The following THSD4 variants were observed in gnomAD, a reference collection of about 807,000 sequenced individuals.
THSD4 encodes thrombospondin type-1 domain-containing protein 4.
THSD4 carries 69 observed loss-of-function variants against 119.0 expected under a neutral mutation model. The observed-to-expected ratio is 0.58, with a 90% confidence interval of 0.48 to 0.71. The LOEUF (loss-of-function observed/expected upper bound fraction) is 0.71, where lower values mean the gene tolerates loss of function less well. Among genes scored for constraint, THSD4 ranks in the 30% least tolerant of loss-of-function variants. The pLI, the probability that THSD4 is intolerant of heterozygous loss-of-function variation, is 0.00. For synonymous variants in THSD4, 524 were observed against 540.4 expected (o/e 0.97, Z 0.42); for missense variants, 1,393 against 1,391.1 (o/e 1.00, Z -0.02).
chr15:71,274,839 C>T (rs2044572346), intron 6 of THSD4, among the ~76,000 whole-genome samples: 1 of 152,116 alleles, frequency 6.6e-6, no homozygotes, highest in African/African-American at 2.4e-5. Context: ...CACTTGAACC[C>T]ATGTCATTCT....
chr15:71,183,576 G>A (rs902890208), intron 3 of THSD4, among the ~76,000 whole-genome samples: 1 of 151,690 alleles, frequency 6.6e-6, no homozygotes, highest in African/African-American at 2.4e-5. Context: ...CTGACTCATA[G>A]TAAATACTAT....
At chr15:71,534,765 G>C (rs1391646839) in intron 7 of THSD4, among the ~76,000 whole-genome samples, 7 of 152,154 alleles carry the variant, frequency 4.6e-5, no homozygotes, top group Non-Finnish European at 1.0e-4. Flanking sequence ...GATCACCTGA[G>C]TTCAGGAGTT....
chr15:71,113,152 G>A (rs993263023), upstream of THSD4, among the ~76,000 whole-genome samples: 1 of 152,226 alleles, frequency 6.6e-6, no homozygotes, highest in Non-Finnish European at 1.5e-5. Context: ...TCATGCCACT[G>A]CACCCCAGCC....
intron 7 of THSD4, among the ~76,000 whole-genome samples, chr15:71,579,734 C>CA (rs1367899479): frequency 6.6e-6 from 1 of 152,144 alleles, no homozygotes; most frequent in Non-Finnish European, 1.5e-5. Flanking sequence ...ATATTGGAGA[C>CA]ACCATGGTTT....
chr15:71,297,399 A>C (rs1397275093), intron 6 of THSD4, among the ~76,000 whole-genome samples: 2 of 150,994 alleles, frequency 1.3e-5, no homozygotes, highest in Non-Finnish European at 2.9e-5. Flanking sequence ...GCAGTGGCGC[A>C]ATCTCAGCTC....
chr15:71,407,138 T>A (rs1020858240), intron 6 of THSD4, among the ~76,000 whole-genome samples: 9 of 152,224 alleles, frequency 5.9e-5, no homozygotes, highest in Admixed American at 3.3e-4. Context: ...TCTAGCTGCC[T>A]TTTGCTTTTA....
At chr15:71,486,282 T>G (rs1402480903) in intron 7 of THSD4, among the ~76,000 whole-genome samples, 2 of 152,116 alleles carry the variant, frequency 1.3e-5, no homozygotes, top group Non-Finnish European at 2.9e-5. Context: ...CAGCTGTAGT[T>G]TCTCCCCCTT....
At chr15:71,304,754 G>A (rs2045000648) in intron 6 of THSD4, among the ~76,000 whole-genome samples, 1 of 152,090 alleles carries the variant, frequency 6.6e-6, no homozygotes, top group South Asian at 2.1e-4. Context: ...CCAACAAAAA[G>A]TAACCAAAAT....
intron 4 of THSD4, among the ~76,000 whole-genome samples, chr15:71,237,753 T>C (rs1186543785): frequency 6.6e-6 from 1 of 152,136 alleles, no homozygotes; most frequent in Non-Finnish European, 1.5e-5. Flanking sequence ...CAGGTGATGA[T>C]TGCAGATGAC....
At position 71,771,133 on chromosome 15, in the gene THSD4, A is replaced by G; in HGVS notation, c.2839A>G (p.Ser947Gly). Residue 947 changes from serine (S) to glycine (G), a missense_variant, in exon 17 of 18, where the codon AGT (serine) becomes GGT (glycine). By Grantham distance (56) the Ser-to-Gly change is moderately conservative. Transcript: ENST00000261862. ...GTGTCTGTCTGATGACATGACTCTAAGTAACCTCTGTGACCCTCAGTTGAA... is the reference window on the plus strand; with the variant it reads ...GTGTCTGTCTGATGACATGACTCTAGGTAACCTCTGTGACCCTCAGTTGAA... ...VRCLSDDMTL[S>G]NLCDPQLKPE... is the part of the protein sequence containing the mutation. 1 of 1,614,206 alleles carries G rather than the reference A, an allele frequency of 6.2e-7. No homozygotes were observed. The highest frequency in any genetic ancestry group is 1.3e-5 in the African/African-American group (1 of 75,042).
intron 1 of THSD4, among the ~76,000 whole-genome samples, chr15:71,104,520 T>C (rs1179178921): frequency 6.6e-6 from 1 of 152,184 alleles, no homozygotes; most frequent in African/African-American, 2.4e-5. Context: ...AACCAAACTC[T>C]GAAAATATTT....
At chr15:71,517,190 A>G (rs1428425508) in intron 7 of THSD4, among the ~76,000 whole-genome samples, 1 of 152,216 alleles carries the variant, frequency 6.6e-6, no homozygotes, top group Admixed American at 6.5e-5. Context: ...CCACTGTCCA[A>G]GTAAGCAGCA....
chr15:71,365,131 T>TTTTGTGTGTGTGTGTGTGTGTGTGTGTG (rs147188266), intron 6 of THSD4, among the ~76,000 whole-genome samples: 3 of 135,824 alleles, frequency 2.2e-5, no homozygotes, highest in Non-Finnish European at 3.2e-5. Context: ...GCCCCCCCCA[T>TTTTGTGTGTGTGTGTGTGTGTGTGTGTG]TGTGTGTGTG....
intron 7 of THSD4, among the ~76,000 whole-genome samples, chr15:71,584,137 TC>T (rs1468800385): frequency 6.6e-6 from 1 of 152,106 alleles, no homozygotes; most frequent in Non-Finnish European, 1.5e-5. Context: ...ATGAATTGAT[TC>T]CTTTATCATC....
chr15:71,189,364 C>T (rs952585558), intron 3 of THSD4, among the ~76,000 whole-genome samples: 10 of 152,160 alleles, frequency 6.6e-5, no homozygotes, highest in African/African-American at 2.4e-4. Context: ...CATTTCAGCA[C>T]CAGGTGCTTA....
intron 7 of THSD4, among the ~76,000 whole-genome samples, chr15:71,493,044 G>A (rs756298994): frequency 1.3e-5 from 2 of 152,130 alleles, no homozygotes; most frequent in Non-Finnish European, 2.9e-5. Flanking sequence ...TAGAGGAGTC[G>A]ACAAGAAGAT....
At chr15:71,730,640 C>T (rs549501055) in intron 9 of THSD4, 5 of 153,790 alleles carry the variant, frequency 3.3e-5, no homozygotes, top group African/African-American at 1.2e-4. Flanking sequence ...ACCTGGGGGC[C>T]AGCCTCACCA....
chr15:71,229,014 T>C (rs2140262482), intron 4 of THSD4, among the ~76,000 whole-genome samples: 1 of 152,350 alleles, frequency 6.6e-6, no homozygotes, highest in Non-Finnish European at 1.5e-5. Flanking sequence ...TTTTCCCATT[T>C]TCCAGTAAGT....
At chr15:71,673,661 A>G (rs2141017803) in intron 8 of THSD4, among the ~76,000 whole-genome samples, 1 of 152,332 alleles carries the variant, frequency 6.6e-6, no homozygotes. Context: ...ACTGCTTTAA[A>G]TGTGTCCCAG....
Sources: allele counts gnomAD v4.1 joint callset (sites outside exome capture counted in the v4.1 genomes callset), GRCh38; gene constraint gnomAD v4.1.1; transcripts MANE v1.5; gene names NCBI Gene and HGNC (gene_info 2026-07-23, HGNC 2026-07-21).